SKOR2: variants seen among roughly 807,000 people sequenced by gnomAD.
SKOR2 encodes the protein SKI family transcriptional corepressor 2.
Under a neutral mutation model 69.1 loss-of-function variants are expected in SKOR2, and 47 were observed. The ratio of observed to expected loss-of-function variants is 0.68; its 90% CI spans 0.54 to 0.87. The LOEUF is 0.87. Among genes scored for constraint, SKOR2 ranks in the 40% least tolerant of loss-of-function variants. SKOR2 has a pLI of 0.00. For missense variants in SKOR2, 1,404 were observed against 1,472.2 expected, an observed-to-expected ratio of 0.95 and a Z score of 0.76; for synonymous variants, 717 against 672.6, an observed-to-expected ratio of 1.07 and a Z score of -1.02.
At chr18:47,243,347 A>C (rs1368163518) in intron 4 of SKOR2, among the ~76,000 whole-genome samples, 2 of 152,206 alleles carry the variant, frequency 1.3e-5, no homozygotes, top group Non-Finnish European at 1.5e-5. Context: ...ATATCATTTG[A>C]TCTGGGACTA....
chr18:47,218,589 C>CGAA (rs2064151420), intron 7 of SKOR2, among the ~76,000 whole-genome samples: 1 of 88,258 alleles, frequency 1.1e-5, no homozygotes, highest in Non-Finnish European at 2.1e-5. Flanking sequence ...GACCCTGTCT[C>CGAA]AAAAAAAAAA....
intron 2 of SKOR2, among the ~76,000 whole-genome samples, chr18:47,246,238 T>C (rs74481794): frequency 0.018 from 2,796 of 152,264 alleles, 104 homozygotes; most frequent in East Asian, 0.17. Context: ...GGGGAACAAA[T>C]GTGCTCAGTT....
At chr18:47,235,514 G>A (rs2064218523) in intron 4 of SKOR2, among the ~76,000 whole-genome samples, 1 of 152,136 alleles carries the variant, frequency 6.6e-6, no homozygotes, top group Non-Finnish European at 1.5e-5. Context: ...TGCCATATCA[G>A]GGAAACTACA....
intron 2 of SKOR2, 69 bp from the exon 3 acceptor site, chr18:47,245,630 G>T: frequency 1.5e-6 from 2 of 1,373,532 alleles, no homozygotes; most frequent in Non-Finnish European, 1.9e-6. Context: ...TCAACAGTCA[G>T]CAGGAAGAAG....
At chr18:47,241,375 T>C (rs1285304425) in intron 4 of SKOR2, among the ~76,000 whole-genome samples, 2 of 152,220 alleles carry the variant, frequency 1.3e-5, no homozygotes, top group Admixed American at 6.5e-5. Context: ...TCTGAATTTC[T>C]GACACTTTGC....
At chr18:47,212,566 T>C (rs1172482727) in intron 7 of SKOR2, among the ~76,000 whole-genome samples, 1 of 152,236 alleles carries the variant, frequency 6.6e-6, no homozygotes, top group African/African-American at 2.4e-5. Flanking sequence ...TTTATTAGAA[T>C]GATTTCTTTA....
intron 6 of SKOR2, among the ~76,000 whole-genome samples, chr18:47,229,187 T>G (rs1463470854): frequency 2.0e-5 from 3 of 152,184 alleles, no homozygotes; most frequent in Admixed American, 6.5e-5. Context: ...CAGGCTGACA[T>G]TATTGAAATT....
Position 47,247,597 on chromosome 18 carries a change from C to T in SKOR2, c.1587G>A (p.Pro529=), listed in dbSNP as rs758943360. The change falls in exon 2 of 9, where the codon CCG becomes CCA. Residue 529 remains proline (P), a synonymous_variant. Coordinates refer to ENST00000425639, the MANE Select transcript of SKOR2 (RefSeq NM_001278063.4). The surrounding 1 kb of genome is among the most constrained non-coding windows in gnomAD (Gnocchi z 6.6). ...AAGSAEAAPP[P]GQPPQVVANG... is the part of the protein sequence containing the mutation. ...TGGCCACTACCTGCGGGGGCTGCCC[C>T]GGCGGGGGCGCGGCCTCGGCGCTCC... 3.3e-5 allele frequency: 42 copies of T among 1,267,712 alleles called. No individual in the cohort carries two copies. The highest frequency in any genetic ancestry group is 1.4e-4 in the South Asian group (5 of 36,274). The allele number at this position is 1,267,712 out of a possible 1,614,324, so 78.5% of individuals were successfully genotyped here. A position where few individuals can be genotyped will look rare whatever the true frequency, so the allele number is the denominator to read the frequency against.
At chr18:47,245,724 T>C (rs1353545294) in intron 2 of SKOR2, among the ~76,000 whole-genome samples, 163 bp from the exon 3 acceptor site, 1 of 151,420 alleles carries the variant, frequency 6.6e-6, no homozygotes, top group East Asian at 1.9e-4. Context: ...CTTAAATACA[T>C]GTGTATGACT....
intron 7 of SKOR2, among the ~76,000 whole-genome samples, chr18:47,215,098 C>T (rs1244709885): frequency 6.6e-6 from 1 of 151,978 alleles, no homozygotes; most frequent in Non-Finnish European, 1.5e-5. Flanking sequence ...AAGAAAAATG[C>T]TACATAACTA....
chr18:47,212,618 A>G (rs2064131219), intron 7 of SKOR2, among the ~76,000 whole-genome samples: 1 of 152,170 alleles, frequency 6.6e-6, no homozygotes. Flanking sequence ...ATCCTTATAA[A>G]TCACAAATAA....
intron 6 of SKOR2, among the ~76,000 whole-genome samples, chr18:47,226,899 T>C (rs1025399933): frequency 2.6e-5 from 4 of 152,122 alleles, no homozygotes; most frequent in African/African-American, 9.7e-5. Context: ...AGCCAGTGAG[T>C]AGAGCAGTCA....
intron 6 of SKOR2, among the ~76,000 whole-genome samples, chr18:47,221,442 C>T (rs1336534530): frequency 6.6e-6 from 1 of 152,184 alleles, no homozygotes; most frequent in African/African-American, 2.4e-5. Context: ...CTGCATATGG[C>T]TCAGCTGGCT....
chr18:47,216,169 G>C (rs1436777234), intron 7 of SKOR2, among the ~76,000 whole-genome samples: 1 of 152,094 alleles, frequency 6.6e-6, no homozygotes, highest in Non-Finnish European at 1.5e-5. Flanking sequence ...TTGTGAATGA[G>C]AAATCCTTTA....
chr18:47,246,161 GA>G (rs2144513742), intron 2 of SKOR2, among the ~76,000 whole-genome samples: 1 of 152,274 alleles, frequency 6.6e-6, no homozygotes, highest in East Asian at 1.9e-4. Context: ...GGGAGGTACT[GA>G]ACTATAGAGA....
intron 4 of SKOR2, among the ~76,000 whole-genome samples, chr18:47,233,753 T>C (rs1010808962): frequency 3.3e-5 from 5 of 152,262 alleles, no homozygotes; most frequent in Non-Finnish European, 1.5e-5. Context: ...TCTTATATTA[T>C]GTTTCAGTTA....
intron 6 of SKOR2, among the ~76,000 whole-genome samples, chr18:47,229,091 C>G (rs923543690): frequency 6.6e-6 from 1 of 152,186 alleles, no homozygotes; most frequent in African/African-American, 2.4e-5. Flanking sequence ...TACCAGGAAC[C>G]TGGTGCTATT....
chr18:47,236,881 T>A (rs1355371945), intron 4 of SKOR2, among the ~76,000 whole-genome samples: 1 of 152,218 alleles, frequency 6.6e-6, no homozygotes, highest in East Asian at 1.9e-4. Context: ...GGGCTGAAGT[T>A]CTAAGTGCTT....
intron 4 of SKOR2, among the ~76,000 whole-genome samples, chr18:47,242,546 T>C (rs1240458464): frequency 1.3e-5 from 2 of 152,096 alleles, no homozygotes; most frequent in Non-Finnish European, 1.5e-5. Flanking sequence ...GTATGAATCA[T>C]TGTTACCCCT....
Sources: gnomAD v4.1 joint callset for allele counts (sites outside exome capture counted in the v4.1 genomes callset) on GRCh38, gnomAD v4.1.1 for gene constraint, Gnocchi (gnomAD v3.1) non-coding constraint, MANE v1.5 for transcripts, NCBI Gene and HGNC (gene_info 2026-07-23, HGNC 2026-07-21) for gene names.